UBE2K: variants seen among roughly 807,000 people sequenced by gnomAD.
UBE2K encodes the protein ubiquitin-conjugating enzyme E2 K.
In UBE2K, 6 loss-of-function variants were observed where a neutral mutation model predicts 30.0. That is an observed-to-expected ratio of 0.20 (90% CI 0.11 to 0.39). The LOEUF (loss-of-function observed/expected upper bound fraction) is 0.39. Ranked by LOEUF, UBE2K falls within the 10% of genes least tolerant of loss-of-function variation. UBE2K has a pLI of 1.00. For synonymous variants in UBE2K, 86 were observed against 83.7 expected, an observed-to-expected ratio of 1.03 and a Z score of -0.15; for missense variants, 61 against 241.6, an observed-to-expected ratio of 0.25 and a Z score of 4.96.
rs866188997 is a variant in UBE2K at position 39,779,831 on chromosome 4, T to C, written c.*1397T>C. 1.4e-4 allele frequency: 22 copies of C among 152,192 alleles called. No individual in the cohort carries two copies. Among genetic ancestry groups the C allele is most frequent in the African/African-American group, 5.3e-4 (22 of 41,464 alleles). The allele number at this position is 152,192 out of a possible 1,614,324, so 9.4% of individuals were successfully genotyped here. A position where few individuals can be genotyped will look rare whatever the true frequency, so the allele number is the denominator to read the frequency against. ...GACTGAATTAAAGTAAGGCTGTATA[T>C]TGAAAGTCATATTATAAAAGGTTTG... On this transcript the variant is annotated 3_prime_UTR_variant, in exon 7 of 7. Transcript: ENST00000261427.
intron 1 of UBE2K, chr4:39,714,529 TATATATATATATATATA>T (rs1252092804): frequency 2.0e-4 from 6 of 29,978 alleles, no homozygotes; most frequent in African/African-American, 2.8e-4. Context: ...TATATATATA[TATATATATATATATATA>T]TATATTTTTT....
At chr4:39,717,723 T>C (rs1436404549) in intron 1 of UBE2K, among the ~76,000 whole-genome samples, 3 of 152,216 alleles carry the variant, frequency 2.0e-5, no homozygotes, top group Non-Finnish European at 4.4e-5. Flanking sequence ...CCACGGACCC[T>C]TGCGGTGAGT....
At chr4:39,698,553 C>T (rs1055582) in intron 1 of UBE2K, among the ~76,000 whole-genome samples, 163 bp downstream of exon 1, 62,411 of 151,726 alleles carry the variant, frequency 0.41, 15,561 homozygotes, top group East Asian at 0.66. Context: ...CGCCGCCTTC[C>T]CCTCCCCTCC....
chr4:39,770,060 C>T (rs913720351), intron 4 of UBE2K: 21 of 1,517,580 alleles, frequency 1.4e-5, no homozygotes, highest in South Asian at 6.2e-5. Context: ...CCCCAGCCTC[C>T]GGGCCTCCAC....
chr4:39,716,997 CAAAAAAA>C (rs71194907), intron 1 of UBE2K, among the ~76,000 whole-genome samples: 1 of 35,072 alleles, frequency 2.9e-5, no homozygotes, highest in African/African-American at 1.0e-4. Flanking sequence ...GACTCCATCT[CAAAAAAA>C]AAAAAAAAAA....
chr4:39,728,788 G>A (rs1470446736), intron 1 of UBE2K, among the ~76,000 whole-genome samples: 2 of 148,530 alleles, frequency 1.3e-5, no homozygotes, highest in African/African-American at 2.5e-5. Context: ...ATAGGCGCCC[G>A]CCACCACGCC....
chr4:39,769,971 A>G (rs536835978), intron 4 of UBE2K: 4 of 761,490 alleles, frequency 5.3e-6, no homozygotes, highest in Non-Finnish European at 8.3e-6. Flanking sequence ...TCAGCCTCCC[A>G]CTCTTACCTT....
chr4:39,739,871 G>A (rs192822019), intron 2 of UBE2K, among the ~76,000 whole-genome samples: 148 of 152,328 alleles, frequency 9.7e-4, no homozygotes, highest in Non-Finnish European at 1.7e-3. Context: ...TTCTAGGCAT[G>A]AGCCATTGTG....
intron 2 of UBE2K, among the ~76,000 whole-genome samples, chr4:39,742,520 T>C (rs1282128858): frequency 2.6e-5 from 4 of 152,138 alleles, no homozygotes. Context: ...GTAGATTATT[T>C]GAGGTCAGGA....
intron 4 of UBE2K, chr4:39,771,304 C>T (rs1219203223): frequency 1.5e-4 from 238 of 1,611,880 alleles, no homozygotes; most frequent in Non-Finnish European, 1.9e-4. Flanking sequence ...CTTGTGGCCT[C>T]GAAACTTGAG....
chr4:39,732,565 T>TA (rs35586404), intron 1 of UBE2K, among the ~76,000 whole-genome samples: 25,403 of 152,082 alleles, frequency 0.17, 4,073 homozygotes, highest in African/African-American at 0.42. Context: ...ATGTTTTTTT[T>TA]ATCTCATTCA....
intron 1 of UBE2K, among the ~76,000 whole-genome samples, chr4:39,708,126 C>T (rs577161597): frequency 2.6e-5 from 4 of 152,054 alleles, no homozygotes; most frequent in East Asian, 3.9e-4. Context: ...TCTCGAACTC[C>T]GGGACTCAGG....
At chr4:39,767,926 A>G in intron 4 of UBE2K, among the ~76,000 whole-genome samples, 1 of 152,190 alleles carries the variant, frequency 6.6e-6, no homozygotes, top group Non-Finnish European at 1.5e-5. Context: ...GATTGCTTAG[A>G]AAGTCCATTG....
intron 5 of UBE2K, among the ~76,000 whole-genome samples, chr4:39,776,701 TTATGTATA>T (rs1713302546): frequency 6.6e-6 from 1 of 152,160 alleles, no homozygotes; most frequent in Admixed American, 6.5e-5. Context: ...GAAGATCTGT[TTATGTATA>T]TATGTATATA....
chr4:39,773,790 G>T (rs557516469), intron 4 of UBE2K, among the ~76,000 whole-genome samples: 2 of 151,308 alleles, frequency 1.3e-5, no homozygotes, highest in South Asian at 2.1e-4. Flanking sequence ...GCGTGGTGGC[G>T]GGCGCCTGTT....
At position 39,764,519 on chromosome 4, in the gene UBE2K, C is replaced by T. The variant is rs562292045; in HGVS notation, c.299+8780C>T. Among the ~76,000 whole-genome samples, 17 of 151,280 alleles carry T rather than the reference C, an allele frequency of 1.1e-4. No individual in the cohort carries two copies. In the South Asian group the frequency reaches 1.7e-3, roughly 15 times the overall value. ...GAGTGCAGTGACAACGATCACAGCT[C>T]ACTGCAGCCTTGACCTTCCAGGCCC... On this transcript the variant is annotated intron_variant, in intron 4 of 6. Transcript: ENST00000261427.
chr4:39,702,207 T>G (rs1718053248), intron 1 of UBE2K, among the ~76,000 whole-genome samples: 1 of 71,716 alleles, frequency 1.4e-5, no homozygotes. Context: ...TTTGGTAACA[T>G]TTTCTTTTCT....
chr4:39,715,430 C>G (rs983339008), intron 1 of UBE2K, among the ~76,000 whole-genome samples: 1 of 152,014 alleles, frequency 6.6e-6, no homozygotes, highest in African/African-American at 2.4e-5. Flanking sequence ...ACTCAGCCTC[C>G]CAAAGTGCTG....
intron 1 of UBE2K, 122 bp downstream of exon 1, chr4:39,698,512 T>G (rs1717822823): frequency 1.2e-6 from 1 of 869,176 alleles, no homozygotes; most frequent in East Asian, 2.7e-5. Context: ...CTTCTGCCTG[T>G]GAGGAAGCAG....
Sources: allele counts gnomAD v4.1 joint callset (sites outside exome capture counted in the v4.1 genomes callset), GRCh38; gene constraint gnomAD v4.1.1; transcripts MANE v1.5; gene names NCBI Gene and HGNC (gene_info 2026-07-23, HGNC 2026-07-21).